VPS26C: variants seen among roughly 807,000 people sequenced by gnomAD.
VPS26C encodes the protein VPS26 endosomal protein sorting factor C, also known as vacuolar protein sorting-associated protein 26C.
A neutral mutation model predicts 30.6 loss-of-function variants in VPS26C; 19 were observed. The observed-to-expected ratio is 0.62, with a 90% CI of 0.43 to 0.91. The LOEUF is 0.91. VPS26C is among the 40% of genes least tolerant of loss of function. VPS26C has a pLI of 0.00. For synonymous variants in VPS26C, 132 were observed against 151.5 expected, an observed-to-expected ratio of 0.87 and a Z score of 0.95; for missense variants, 318 against 385.1, an observed-to-expected ratio of 0.83 and a Z score of 1.46.
At chr21:37,251,314 A>G (rs1471790154) in intron 1 of VPS26C, among the ~76,000 whole-genome samples, 1 of 152,234 alleles carries the variant, frequency 6.6e-6, no homozygotes, top group African/African-American at 2.4e-5. Context: ...AATTCCAACA[A>G]TAGGAAAATT....
intron 1 of VPS26C, among the ~76,000 whole-genome samples, chr21:37,251,473 AC>A (rs1463267219): frequency 6.6e-6 from 1 of 152,130 alleles, no homozygotes; most frequent in Non-Finnish European, 1.5e-5. Context: ...CATACATTCT[AC>A]TTTTTTTTAA....
chr21:37,267,439 C>T, upstream of VPS26C: 3 of 641,714 alleles, frequency 4.7e-6, no homozygotes, highest in Non-Finnish European at 8.0e-6. Context: ...GTCGCACACA[C>T]TCCCTAGCTC....
chr21:37,265,919 T>C (rs1408037485), intron 1 of VPS26C, among the ~76,000 whole-genome samples: 2 of 141,872 alleles, frequency 1.4e-5, no homozygotes, highest in Non-Finnish European at 3.1e-5. Flanking sequence ...TCTTTTTTTT[T>C]TTTTTTTTTT....
chr21:37,266,871 T>G, intron 1 of VPS26C: 1 of 351,382 alleles, frequency 2.8e-6, no homozygotes, highest in Non-Finnish European at 5.2e-6. Flanking sequence ...GAAAGGGGAG[T>G]TTGGTCGTCA....
Position 37,233,329 on chromosome 21 carries a change from C to G in VPS26C, c.432+33G>C. Reference sequence around the variant, plus strand: ...CTCAGACCCCATGGGAGATTCCTATCATTAAGCACCAGAGTCCCCGAGTGA... The same window carrying G: ...CTCAGACCCCATGGGAGATTCCTATGATTAAGCACCAGAGTCCCCGAGTGA... On this transcript the variant is annotated intron_variant, in intron 4 of 7. Coordinates refer to ENST00000309117, the MANE Select transcript of VPS26C (RefSeq NM_006052.2). The surrounding 1 kb of genome is among the most constrained non-coding windows in gnomAD (Gnocchi z 5.2). 6.4e-7 allele frequency: 1 copy of G among 1,573,060 alleles called. No homozygotes were observed. Among genetic ancestry groups the G allele is most frequent in the Non-Finnish European group, 8.8e-7 (1 of 1,142,526 alleles).
In VPS26C at chr21:37,267,252, C is replaced by A. The variant is rs2086377211; in HGVS notation, c.43G>T (p.Val15Phe). 1.0e-6 allele frequency: 1 copy of A among 996,086 alleles called. No homozygotes were observed. The allele number at this position is 996,086 out of a possible 1,614,324, so 61.7% of individuals were successfully genotyped here. A position where few individuals can be genotyped will look rare whatever the true frequency, so the allele number is the denominator to read the frequency against. ...LDIKIKRANK[V>F]YHAGEVLSGV... ...CCCCCACTTACCCCGGCGTGATAAA[C>A]TTTATTCGCTCTTTTAATCTTGATG... Residue 15 changes from valine to phenylalanine, a missense_variant, in exon 1 of 8, where the codon GTT becomes TTT. Transcript: ENST00000309117.
rs922059029 is a variant in VPS26C at position 37,225,737 on chromosome 21, C to T, written c.812-111G>A. On this transcript the variant is annotated intron_variant, in intron 7 of 7. Transcript: ENST00000309117. ...TCTAACGGCGAAGGAGCACCCGGTG[C>T]GGGTGGGTTTCATTGCTGTCCCCTC... 14 of 900,606 alleles carry T rather than the reference C, an allele frequency of 1.6e-5. No individual in the cohort carries two copies. The East Asian group carries it at 1.6e-4, about 10-fold the overall frequency. 55.8% of individuals were successfully genotyped at this position (900,606 alleles called of 1,614,324 possible).
chr21:37,260,140 T>C (rs778612533), intron 1 of VPS26C, among the ~76,000 whole-genome samples: 18 of 152,184 alleles, frequency 1.2e-4, no homozygotes, highest in Non-Finnish European at 2.6e-4. Flanking sequence ...CCCTGGCATG[T>C]CCCTGAATTC....
At chr21:37,231,062 T>G (rs918010884) in intron 5 of VPS26C, among the ~76,000 whole-genome samples, 2 of 152,194 alleles carry the variant, frequency 1.3e-5, no homozygotes, top group Non-Finnish European at 2.9e-5. Flanking sequence ...GCGCCTCTGA[T>G]GAGCAGGTGC....
intron 1 of VPS26C, among the ~76,000 whole-genome samples, chr21:37,254,768 C>T (rs183184459): frequency 2.4e-4 from 36 of 151,698 alleles, no homozygotes; most frequent in Admixed American, 7.9e-4. Context: ...TGAGACATTG[C>T]ATTCTGCCTG....
chr21:37,250,005 C>CA (rs1290830690), intron 1 of VPS26C, among the ~76,000 whole-genome samples: 2 of 151,784 alleles, frequency 1.3e-5, no homozygotes, highest in Non-Finnish European at 2.9e-5. Context: ...AGAACTCAAC[C>CA]AAAAAAAATT....
rs369582493 is a variant in VPS26C, at chr21:37,240,691, A to G, written c.58-52T>C. 42 of 1,584,102 alleles carry G rather than the reference A, an allele frequency of 2.7e-5. No individual in the cohort carries two copies. The African/African-American group carries it at 5.7e-4, about 22-fold the overall frequency. On this transcript the variant is annotated intron_variant, in intron 1 of 7. Transcript: ENST00000309117. ...CAAATTAGCATGCTTCCTCCATTCTACCTTGTTTATTAGCAAACGTAGGTC... is the reference window on the plus strand; with the variant it reads ...CAAATTAGCATGCTTCCTCCATTCTGCCTTGTTTATTAGCAAACGTAGGTC...
intron 2 of VPS26C, 89 bp from the exon 3 acceptor site, chr21:37,238,698 C>T (rs967629391): frequency 1.3e-4 from 200 of 1,508,738 alleles, no homozygotes; most frequent in Non-Finnish European, 1.7e-4. Flanking sequence ...CACAGCACCC[C>T]GACCCCCTGG....
At position 37,226,435 on chromosome 21, in the gene VPS26C, G is replaced by C. The variant is rs972540797; in HGVS notation, c.812-809C>G. The C allele has an allele frequency of 2.6e-5, 4 of 152,314 alleles. No homozygotes were observed. Among genetic ancestry groups the C allele is most frequent in the Non-Finnish European group, 4.4e-5 (3 of 68,146 alleles). 9.4% of individuals were successfully genotyped at this position (152,314 alleles called of 1,614,324 possible). A position where few individuals can be genotyped will look rare whatever the true frequency, so the allele number is the denominator to read the frequency against. On this transcript the variant is annotated intron_variant, in intron 7 of 7. Transcript: ENST00000309117. This position sits in a 1 kb window ranked among gnomAD's most constrained non-coding sequence, Gnocchi z 4.1. ...CCAAACATCAGCCACAAGAAGAGTC[G>C]GCCACCAGCAGTGGCCGGCCTGTCC... is the stretch of plus-strand genomic sequence containing the variant.
chr21:37,251,250 A>G (rs987070929), intron 1 of VPS26C, among the ~76,000 whole-genome samples: 10 of 152,230 alleles, frequency 6.6e-5, no homozygotes, highest in Non-Finnish European at 1.5e-4. Context: ...ACTTATGAAC[A>G]TAGTTATTCA....
At chr21:37,259,218 AC>A (rs2086279227) in intron 1 of VPS26C, among the ~76,000 whole-genome samples, 1 of 152,088 alleles carries the variant, frequency 6.6e-6, no homozygotes. Context: ...AAAAAAAAAA[AC>A]AAAAAAACTA....
chr21:37,234,893 A>T (rs1004796478), intron 3 of VPS26C, among the ~76,000 whole-genome samples: 65 of 152,068 alleles, frequency 4.3e-4, no homozygotes, highest in African/African-American at 1.3e-3. Context: ...CCCAGGCTGA[A>T]GTGCGGTGGC....
intron 1 of VPS26C, among the ~76,000 whole-genome samples, chr21:37,243,816 C>A (rs938748437): frequency 6.6e-6 from 1 of 152,182 alleles, no homozygotes; most frequent in Middle Eastern, 3.2e-3. Flanking sequence ...TCCTGGCAAA[C>A]AACTTTGTAT....
At chr21:37,251,840 TTG>T (rs1027214480) in intron 1 of VPS26C, among the ~76,000 whole-genome samples, 1 of 152,222 alleles carries the variant, frequency 6.6e-6, no homozygotes, top group Non-Finnish European at 1.5e-5. Context: ...GATCTGAAGA[TTG>T]TGTGTTAAAA....
Sources: gnomAD v4.1 joint callset for allele counts (sites outside exome capture counted in the v4.1 genomes callset) on GRCh38, gnomAD v4.1.1 for gene constraint, Gnocchi (gnomAD v3.1) non-coding constraint, MANE v1.5 for transcripts, NCBI Gene and HGNC (gene_info 2026-07-23, HGNC 2026-07-21) for gene names.